Variants in KCNQ1 observed in about 807,000 individuals in gnomAD.
KCNQ1 encodes the protein potassium voltage-gated channel subfamily KQT member 1.
In KCNQ1, 49 loss-of-function variants were observed where a neutral mutation model predicts 72.4. The ratio of observed to expected loss-of-function variants is 0.68; its 90% CI spans 0.54 to 0.86. The LOEUF is 0.86. Ranked by LOEUF, KCNQ1 falls within the 40% of genes least tolerant of loss-of-function variation. The pLI is 0.00. For synonymous variants in KCNQ1, 450 were observed against 412.6 expected (o/e 1.09, Z -1.10); for missense variants, 790 against 945.1 (o/e 0.84, Z 2.15).
chr11:2,535,484 G>A (rs1021947039), intron 2 of KCNQ1, among the ~76,000 whole-genome samples: 2 of 152,164 alleles, frequency 1.3e-5, no homozygotes, highest in South Asian at 2.1e-4. Context: ...CCGGCTCTCC[G>A]GAGCCCAGTG....
At chr11:2,525,556 G>T (rs374886757) in intron 1 of KCNQ1, among the ~76,000 whole-genome samples, 1 of 152,376 alleles carries the variant, frequency 6.6e-6, no homozygotes, top group African/African-American at 2.4e-5. Flanking sequence ...GAGGGTGGGG[G>T]TGCAGAGAGC....
chr11:2,619,296 A>G (rs146464686), intron 10 of KCNQ1: 148 of 398,450 alleles, frequency 3.7e-4, no homozygotes, highest in African/African-American at 2.7e-3. Flanking sequence ...ATTGATTATA[A>G]CGTTAGCTGT....
At chr11:2,836,691 A>G (rs1215916176) in intron 15 of KCNQ1, among the ~76,000 whole-genome samples, 1 of 152,232 alleles carries the variant, frequency 6.6e-6, no homozygotes, top group African/African-American at 2.4e-5. Flanking sequence ...AGTGTGTCGC[A>G]TGGAAACAAG....
chr11:2,614,420 T>C (rs1849027903), intron 10 of KCNQ1: 2 of 398,422 alleles, frequency 5.0e-6, no homozygotes, highest in South Asian at 1.3e-4. Flanking sequence ...ACATTTACAA[T>C]ATTGTGTTTT....
rs1362995113 is a variant in KCNQ1, at chr11:2,752,774, C to T, written c.1515-16070C>T. The stretch of plus-strand genomic sequence containing the variant: ...TTTCGACATAGGGACTTTGGGAAGA[C>T]ACACACATTCAGACTACAGCACCTT... On this transcript the variant is annotated intron_variant, in intron 11 of 15. Coordinates refer to ENST00000155840, the MANE Select transcript of KCNQ1 (RefSeq NM_000218.3). The surrounding 1 kb of genome is among the most constrained non-coding windows in gnomAD (Gnocchi z 5.2). 1.3e-5 allele frequency among the ~76,000 whole-genome samples: 2 copies of T among 152,198 alleles called. No homozygotes were observed. The highest frequency in any genetic ancestry group is 2.9e-5 in the Non-Finnish European group (2 of 68,026).
intron 2 of KCNQ1, among the ~76,000 whole-genome samples, chr11:2,542,289 C>T (rs993619256): frequency 2.6e-5 from 4 of 152,204 alleles, no homozygotes; most frequent in Non-Finnish European, 4.4e-5. Flanking sequence ...TGTTGGTGGA[C>T]GATGCCTCCT....
intron 11 of KCNQ1, chr11:2,666,535 A>G (rs1208063575): frequency 1.5e-5 from 6 of 398,414 alleles, no homozygotes; most frequent in Non-Finnish European, 2.2e-5. Context: ...CATCCACATC[A>G]CTACTAATGT....
At position 2,457,384 on chromosome 11, in the gene KCNQ1, G is replaced by T. The variant is rs1462285040; in HGVS notation, c.386+11900G>T. 1.3e-5 allele frequency among the ~76,000 whole-genome samples: 2 copies of T among 152,180 alleles called. No individual in the cohort carries two copies. Among genetic ancestry groups the T allele is most frequent in the African/African-American group, 4.8e-5 (2 of 41,446 alleles). The stretch of plus-strand genomic sequence containing the variant: ...GGCAGAAAGACATGAGTCAACTCAG[G>T]TGCCTGTCAATGGTAGATCGAATAA... On this transcript the variant is annotated intron_variant, in intron 1 of 15. Transcript: ENST00000155840. The surrounding 1 kb of genome is among the most constrained non-coding windows in gnomAD (Gnocchi z 5.0).
chr11:2,739,099 C>T (rs2133949951), intron 11 of KCNQ1, among the ~76,000 whole-genome samples: 1 of 152,300 alleles, frequency 6.6e-6, no homozygotes, highest in East Asian at 1.9e-4. Context: ...ACTGACATCC[C>T]CTGTCCTGGG....
rs985837810 is a variant in KCNQ1, at chr11:2,817,613, G to A, written c.1795-30154G>A. Among the ~76,000 whole-genome samples, 13 of 152,144 alleles carry A rather than the reference G, an allele frequency of 8.5e-5. No individual in the cohort carries two copies. Among genetic ancestry groups the A allele is most frequent in the Non-Finnish European group, 1.8e-4 (12 of 68,026 alleles). On this transcript the variant is annotated intron_variant, in intron 15 of 15. Coordinates refer to ENST00000155840, the MANE Select transcript of KCNQ1 (RefSeq NM_000218.3). This position sits in a 1 kb window ranked among gnomAD's most constrained non-coding sequence, Gnocchi z 6.1. ...AGGGAGGTGGAGGACGCTGGGCAGA[G>A]CCCTGGGCATTAACTCAGGGCCATC...
At chr11:2,709,047 T>C (rs1850959234) in intron 11 of KCNQ1, among the ~76,000 whole-genome samples, 1 of 152,074 alleles carries the variant, frequency 6.6e-6, no homozygotes, top group South Asian at 2.1e-4. Flanking sequence ...CAAATTACCT[T>C]TGGGGCTGCC....
At chr11:2,529,852 T>C (rs536173285) in intron 2 of KCNQ1, among the ~76,000 whole-genome samples, 29 of 151,468 alleles carry the variant, frequency 1.9e-4, no homozygotes, top group African/African-American at 6.8e-4. Flanking sequence ...AGGCGGGGGG[T>C]GCGCACCTCC....
At chr11:2,779,860 C>A (rs1846789129) in intron 15 of KCNQ1, among the ~76,000 whole-genome samples, 1 of 152,198 alleles carries the variant, frequency 6.6e-6, no homozygotes, top group African/African-American at 2.4e-5. Flanking sequence ...GCCTTGAAGG[C>A]ACAAAATTAT....
intron 11 of KCNQ1, among the ~76,000 whole-genome samples, chr11:2,751,692 T>C (rs570893149): frequency 6.6e-6 from 1 of 152,354 alleles, no homozygotes; most frequent in South Asian, 2.1e-4. Context: ...AGCGTTACCA[T>C]GGTTTTTAAA....
intron 10 of KCNQ1, chr11:2,646,245 C>A: frequency 2.5e-6 from 1 of 398,480 alleles, no homozygotes; most frequent in East Asian, 3.6e-5. Context: ...CATCTTGAAG[C>A]CCCTGCTGAT....
intron 11 of KCNQ1, chr11:2,681,673 C>T (rs986924171): frequency 5.0e-6 from 2 of 397,320 alleles, no homozygotes; most frequent in Non-Finnish European, 8.9e-6. Flanking sequence ...GCTCCCTCAC[C>T]CTTAAAGACC....
intron 10 of KCNQ1, chr11:2,631,218 G>A: frequency 2.5e-6 from 1 of 398,404 alleles, no homozygotes; most frequent in Non-Finnish European, 4.4e-6. Flanking sequence ...AATCCTGTGT[G>A]AACATTAACT....
chr11:2,533,380 G>A (rs1204781044), intron 2 of KCNQ1, among the ~76,000 whole-genome samples: 1 of 152,164 alleles, frequency 6.6e-6, no homozygotes, highest in Non-Finnish European at 1.5e-5. Context: ...AAATCTGCTG[G>A]GCAGGGAGAT....
In KCNQ1 at chr11:2,847,883, C is replaced by A; in HGVS notation, c.1911C>A (p.His637Gln). ...GCCCCCCCAGAGAGGGCGGGGCCCA[C>A]ATCACCCAGCCCTGCGGCAGTGGCG... ...SGGPPREGGA[H>Q]ITQPCGSGGS... The change falls in exon 16 of 16, where the codon CAC becomes CAA. Residue 637 changes from histidine to glutamine, a missense_variant. Coordinates refer to ENST00000155840, the MANE Select transcript of KCNQ1 (RefSeq NM_000218.3). 1 of 1,582,064 alleles carries A rather than the reference C, an allele frequency of 6.3e-7. No homozygotes were observed. The highest frequency in any genetic ancestry group is 1.3e-5 in the African/African-American group (1 of 74,308).
Sources: allele counts gnomAD v4.1 joint callset (sites outside exome capture counted in the v4.1 genomes callset), GRCh38; gene constraint gnomAD v4.1.1; non-coding constraint Gnocchi (gnomAD v3.1); transcripts MANE v1.5; gene names NCBI Gene and HGNC (gene_info 2026-07-23, HGNC 2026-07-21).